The following TNFRSF10B variants were observed in gnomAD, a reference collection of about 807,000 sequenced individuals.
The protein encoded by TNFRSF10B is TNF receptor superfamily member 10b.
In TNFRSF10B, 35 loss-of-function variants were observed where a neutral mutation model predicts 41.4. The ratio of observed to expected loss-of-function variants is 0.85; its 90% CI spans 0.65 to 1.12. TNFRSF10B has a LOEUF of 1.12. Ranked by LOEUF, TNFRSF10B falls within the 50% of genes most tolerant of loss-of-function variation. The probability of loss-of-function intolerance (pLI) is 0.00; values close to 1 mark genes in which losing one functional copy is unlikely to be tolerated. For missense variants in TNFRSF10B, 584 were observed against 552.7 expected, an observed-to-expected ratio of 1.06 and a Z score of -0.57; for synonymous variants, 230 against 215.5, an observed-to-expected ratio of 1.07 and a Z score of -0.59.
At chr8:23,050,229 A>G (rs1812487106) in intron 1 of TNFRSF10B, among the ~76,000 whole-genome samples, 2 of 152,090 alleles carry the variant, frequency 1.3e-5, no homozygotes, top group Admixed American at 6.5e-5. Flanking sequence ...GTTTTGCGTT[A>G]GTTTTGAGAG....
intron 1 of TNFRSF10B, among the ~76,000 whole-genome samples, chr8:23,060,046 T>C (rs1196823155): frequency 6.6e-6 from 1 of 152,236 alleles, no homozygotes; most frequent in Non-Finnish European, 1.5e-5. Flanking sequence ...TAAGCCCTTA[T>C]CAGATATATA....
At chr8:23,027,685 A>G (rs1450196860) in intron 6 of TNFRSF10B, 37 bp downstream of exon 6, 1 of 1,613,776 alleles carries the variant, frequency 6.2e-7, no homozygotes, top group Non-Finnish European at 8.5e-7. Flanking sequence ...CAGTTCCTGA[A>G]CCCCTGAGCC....
In TNFRSF10B at chr8:23,027,165, T is replaced by C. The variant is rs775646524; in HGVS notation, c.904A>G (p.Met302Val). The C allele has an allele frequency of 8.1e-6, 13 of 1,614,064 alleles. No homozygotes were observed. In the Admixed American group the frequency reaches 2.2e-4, roughly 27 times the overall value. The change falls in exon 7 of 9, where the codon ATG becomes GTG. Residue 302 changes from methionine (M) to valine (V), a missense_variant. Transcript: ENST00000276431. ...QEPAEPTGVNMLSPGESEHLL... is the reference protein window; with the variant it reads ...QEPAEPTGVNVLSPGESEHLL... Reference sequence around the variant, plus strand: ...TGCTCTGACTCCCCGGGGGACAACATGTTGACACCTGTTGGCTCTGCTGGC... The same window carrying C: ...TGCTCTGACTCCCCGGGGGACAACACGTTGACACCTGTTGGCTCTGCTGGC...
chr8:23,052,775 T>C (rs1052135881), intron 1 of TNFRSF10B, among the ~76,000 whole-genome samples: 1 of 152,222 alleles, frequency 6.6e-6, no homozygotes, highest in Admixed American at 6.5e-5. Flanking sequence ...AATACTAGGT[T>C]TGCTAAATGC....
chr8:23,044,023 G>A (rs35532589), intron 1 of TNFRSF10B, among the ~76,000 whole-genome samples: 7 of 152,216 alleles, frequency 4.6e-5, no homozygotes, highest in Non-Finnish European at 8.8e-5. Flanking sequence ...GTGCATGACT[G>A]TATATGATCA....
intron 1 of TNFRSF10B, among the ~76,000 whole-genome samples, chr8:23,048,437 CAAAAA>C (rs34985507): frequency 1.1e-5 from 1 of 93,690 alleles, no homozygotes; most frequent in Non-Finnish European, 2.3e-5. Flanking sequence ...ATTTTTGTGT[CAAAAA>C]AAAAAAAAAA....
In TNFRSF10B at chr8:23,068,803, C is replaced by G. The variant is rs753595131; in HGVS notation, c.92G>C (p.Gly31Ala). Residue 31 changes from glycine (G) to alanine (A), a missense_variant, in exon 1 of 9, where the codon GGG becomes GCG. Gly to Ala is a moderately conservative substitution (Grantham distance 60). Coordinates refer to ENST00000276431, the MANE Select transcript of TNFRSF10B (RefSeq NM_003842.5). ...GPREARGARP[G>A]PRVPKTLVLV... ...CACAAGGGTCTTGGGGACCCGGGGC[C>G]CAGGCCTGGCTCCCCGCGCCTCCCT... The G allele has an allele frequency of 8.7e-6, 14 of 1,610,808 alleles. 1 individual carries two copies. The African/African-American group carries it at 1.7e-4, about 20-fold the overall frequency.
At chr8:23,035,846 T>C (rs1812016138) in intron 2 of TNFRSF10B, among the ~76,000 whole-genome samples, 1 of 152,212 alleles carries the variant, frequency 6.6e-6, no homozygotes, top group African/African-American at 2.4e-5. Context: ...CTGGCCTATT[T>C]ATCAAGTCAC....
chr8:23,067,479 A>G (rs1444103550), intron 1 of TNFRSF10B, among the ~76,000 whole-genome samples: 1 of 152,058 alleles, frequency 6.6e-6, no homozygotes, highest in Non-Finnish European at 1.5e-5. Context: ...CAAACAAACC[A>G]AATCACTGCA....
chr8:23,051,306 AAAGT>A (rs1264817108), intron 1 of TNFRSF10B, among the ~76,000 whole-genome samples: 1 of 152,188 alleles, frequency 6.6e-6, no homozygotes, highest in African/African-American at 2.4e-5. Flanking sequence ...AATTATTGGT[AAAGT>A]AATATTAGAA....
chr8:23,040,288 A>C lies in TNFRSF10B; in HGVS notation c.250+2850T>G, dbSNP rs1370049120. 2.6e-4 allele frequency among the ~76,000 whole-genome samples: 19 copies of C among 72,760 alleles called. 7 individuals are homozygous for C. The highest frequency in any genetic ancestry group is 1.3e-4 in the Non-Finnish European group (4 of 29,706). 47.7% of individuals were successfully genotyped at this position (72,760 alleles called of 152,430 possible). Reference sequence around the variant, plus strand: ...TTAAATATATATATAATATATATTTATTAAATATATATAATATATATTTAA... The same window carrying C: ...TTAAATATATATATAATATATATTTCTTAAATATATATAATATATATTTAA... On this transcript the variant is annotated intron_variant, in intron 2 of 8. Coordinates refer to ENST00000276431, the MANE Select transcript of TNFRSF10B (RefSeq NM_003842.5).
chr8:23,051,025 G>C (rs12114483), intron 1 of TNFRSF10B, among the ~76,000 whole-genome samples: 36,675 of 152,106 alleles, frequency 0.24, 4,635 homozygotes, highest in Non-Finnish European at 0.25. Flanking sequence ...AGTGAGCAGA[G>C]ATCATGCCAC....
intron 1 of TNFRSF10B, among the ~76,000 whole-genome samples, chr8:23,061,928 TTCTC>T (rs1235319779): frequency 6.6e-6 from 1 of 152,222 alleles, no homozygotes; most frequent in African/African-American, 2.4e-5. Context: ...TACTGTTGAA[TTCTC>T]TCTGATAGTA....
At chr8:23,056,637 C>G (rs373935377) in intron 1 of TNFRSF10B, among the ~76,000 whole-genome samples, 51 of 140,512 alleles carry the variant, frequency 3.6e-4, no homozygotes, top group African/African-American at 1.3e-3. Flanking sequence ...GGCAACAGAG[C>G]AAGACTCCAT....
intron 2 of TNFRSF10B, among the ~76,000 whole-genome samples, chr8:23,040,428 TA>T (rs1257732418): frequency 4.9e-5 from 4 of 81,890 alleles, no homozygotes; most frequent in African/African-American, 1.3e-4. Flanking sequence ...ATTTATTAAA[TA>T]TATATATACA....
intron 2 of TNFRSF10B, among the ~76,000 whole-genome samples, chr8:23,032,243 A>C (rs1468834107): frequency 1.3e-5 from 2 of 152,168 alleles, no homozygotes. Flanking sequence ...TGCACAGAAG[A>C]ATGTCCTAAT....
chr8:23,053,648 A>C (rs183621404), intron 1 of TNFRSF10B, among the ~76,000 whole-genome samples: 117 of 152,346 alleles, frequency 7.7e-4, no homozygotes, highest in Admixed American at 1.4e-3. Flanking sequence ...CCTTCTGTTT[A>C]ACAAAAATTG....
chr8:23,055,474 C>T (rs1812636698), intron 1 of TNFRSF10B, among the ~76,000 whole-genome samples: 1 of 145,902 alleles, frequency 6.9e-6, no homozygotes, highest in Non-Finnish European at 1.5e-5. Context: ...GCCTCCATCA[C>T]AACTGTTTCA....
At chr8:23,034,314 C>T (rs1811968033) in intron 2 of TNFRSF10B, among the ~76,000 whole-genome samples, 1 of 152,192 alleles carries the variant, frequency 6.6e-6, no homozygotes, top group African/African-American at 2.4e-5. Context: ...AATAGACATA[C>T]TCAGCAGCTG....
Sources: allele counts gnomAD v4.1 joint callset (sites outside exome capture counted in the v4.1 genomes callset), GRCh38; gene constraint gnomAD v4.1.1; transcripts MANE v1.5; gene names NCBI Gene and HGNC (gene_info 2026-07-23, HGNC 2026-07-21).